The following RHD variants were observed in gnomAD, a reference collection of about 807,000 sequenced individuals.
The protein encoded by RHD is blood group Rh(D) polypeptide.
Under a neutral mutation model 45.5 loss-of-function variants are expected in RHD, and 16 were observed. That is an observed-to-expected ratio of 0.35 (90% CI 0.24 to 0.53). RHD has a LOEUF of 0.53. Ranked by LOEUF, RHD falls within the 20% of genes least tolerant of loss-of-function variation. The probability of loss-of-function intolerance (pLI) is 0.92; values close to 1 mark genes in which losing one functional copy is unlikely to be tolerated. For missense variants in RHD, 306 were observed against 532.0 expected (o/e 0.58, Z 4.18); for synonymous variants, 131 against 217.5 (o/e 0.60, Z 3.50).
Position 25,310,276 on chromosome 1 carries a change from GTAA to G in RHD, c.1073+3549_1073+3551del, listed in dbSNP as rs1384958378. 5.3e-5 allele frequency among the ~76,000 whole-genome samples: 7 copies of G among 133,176 alleles called. 1 individual carries two copies. The highest frequency in any genetic ancestry group is 1.8e-4 in the African/African-American group (7 of 39,260). 87.4% of individuals were successfully genotyped at this position (133,176 alleles called of 152,430 possible). ...TTTTTGGAGGAAGGGCCTTTGGGAAGTAATTAGGATTAGATAAGGTCATGGGGT... is the reference window on the plus strand; with the variant it reads ...TTTTTGGAGGAAGGGCCTTTGGGAAGTTAGGATTAGATAAGGTCATGGGGT... On this transcript the variant is annotated intron_variant, in intron 7 of 9. Transcript: ENST00000328664.
chr1:25,300,264 A>C (rs1219650259), intron 3 of RHD, among the ~76,000 whole-genome samples: 2 of 131,174 alleles, frequency 1.5e-5, no homozygotes, highest in African/African-American at 5.2e-5. Flanking sequence ...TCATGCCTGT[A>C]ATCTCAGCAC....
chr1:25,310,767 T>C (rs1395650808), intron 7 of RHD, among the ~76,000 whole-genome samples: 1 of 131,338 alleles, frequency 7.6e-6, no homozygotes, highest in African/African-American at 2.6e-5. Context: ...AGGTCAGGAG[T>C]TCGAGACCAG....
intron 6 of RHD, chr1:25,304,511 T>C (rs1189860019): frequency 7.8e-6 from 1 of 128,428 alleles, no homozygotes; most frequent in African/African-American, 2.7e-5. Flanking sequence ...GACACGAGAA[T>C]CACTTGAACC....
intron 5 of RHD, among the ~76,000 whole-genome samples, chr1:25,301,960 T>G (rs1202570152): frequency 7.7e-6 from 1 of 130,624 alleles, no homozygotes; most frequent in Non-Finnish European, 1.8e-5. Flanking sequence ...GAACCCCATT[T>G]CTGCTAGTTG....
rs538917984 is a variant in RHD at position 25,291,797 on chromosome 1, G to T, written c.486+1006G>T. ...AATTTGAAGGCAGCTGTGAAGGTAA[G>T]GCCAATCCAAATGGCTCTCCCAGAT... On this transcript the variant is annotated intron_variant, in intron 3 of 9. Transcript: ENST00000328664. Among the ~76,000 whole-genome samples the T allele has an allele frequency of 5.3e-5, 7 of 132,518 alleles. 2 individuals are homozygous for T. The highest frequency in any genetic ancestry group is 5.1e-4 in the Admixed American group (7 of 13,622). The allele number at this position is 132,518 out of a possible 152,430, so 86.9% of individuals were successfully genotyped here.
chr1:25,311,910 G>A lies in RHD; in HGVS notation c.1074-5090G>A, dbSNP rs968773901. On this transcript the variant is annotated intron_variant, in intron 7 of 9. Coordinates refer to ENST00000328664, the MANE Select transcript of RHD (RefSeq NM_016124.6). ...CCACCTACATTTCAAAGGGTGCTGT[G>A]AACAGCCACCCCAGAGAGCCCCTAG... is the stretch of plus-strand genomic sequence containing the variant. 1.1e-4 allele frequency among the ~76,000 whole-genome samples: 15 copies of A among 131,364 alleles called. 2 individuals carry two copies. The East Asian group carries it at 2.9e-3, about 26-fold the overall frequency. 86.2% of individuals were successfully genotyped at this position (131,364 alleles called of 152,430 possible).
In RHD at chr1:25,321,854, C is replaced by T; in HGVS notation, c.1154-35C>T. 1.9e-6 allele frequency: 2 copies of T among 1,039,538 alleles called. 1 individual carries two copies. Among genetic ancestry groups the T allele is most frequent in the Non-Finnish European group, 3.0e-6 (2 of 672,700 alleles). 64.4% of individuals were successfully genotyped at this position (1,039,538 alleles called of 1,614,324 possible). The stretch of plus-strand genomic sequence containing the variant: ...TCTTGAGATTAAAAATCCTGTGCTC[C>T]AAATCTTTTAACATTAAATTATGCA... On this transcript the variant is annotated intron_variant, in intron 8 of 9. Coordinates refer to ENST00000328664, the MANE Select transcript of RHD (RefSeq NM_016124.6).
chr1:25,274,224 A>T (rs1202907111), intron 1 of RHD, among the ~76,000 whole-genome samples: 1 of 132,050 alleles, frequency 7.6e-6, no homozygotes. Flanking sequence ...ATATGAGGAA[A>T]CTAGGCATAT....
rs1417865880 is a variant in RHD at position 25,300,065 on chromosome 1, T to C, written c.487-881T>C. Among the ~76,000 whole-genome samples the C allele has an allele frequency of 2.3e-5, 3 of 131,236 alleles. 1 individual carries two copies. Among genetic ancestry groups the C allele is most frequent in the Non-Finnish European group, 5.4e-5 (3 of 55,724 alleles). The allele number at this position is 131,236 out of a possible 152,430, so 86.1% of individuals were successfully genotyped here. ...TATATCTAGAATTTCCTGAAGACCT[T>C]AGTTTGGTATTATAAGAAGTCTGGT... On this transcript the variant is annotated intron_variant, in intron 3 of 9. Coordinates refer to ENST00000328664, the MANE Select transcript of RHD (RefSeq NM_016124.6).
intron 9 of RHD, among the ~76,000 whole-genome samples, 188 bp downstream of exon 9, chr1:25,322,150 G>C (rs2124155980): frequency 7.6e-6 from 1 of 131,322 alleles, no homozygotes; most frequent in Admixed American, 7.4e-5. Flanking sequence ...GTGGCGGGGA[G>C]GTGGTAAAGG....
chr1:25,304,021 TGA>T (rs1206395692), intron 6 of RHD, among the ~76,000 whole-genome samples: 2 of 83,394 alleles, frequency 2.4e-5, no homozygotes, highest in African/African-American at 8.1e-5. Context: ...GTGGATGATG[TGA>T]GAGGAGCAGC....
intron 1 of RHD, among the ~76,000 whole-genome samples, chr1:25,277,823 C>G (rs59336189): frequency 2.4e-5 from 3 of 123,828 alleles, no homozygotes; most frequent in Admixed American, 2.4e-4. Context: ...TACAGGCATG[C>G]GCCACCACGC....
At position 25,296,646 on chromosome 1, in the gene RHD, T is replaced by G. The variant is rs372409529; in HGVS notation, c.487-4300T>G. On this transcript the variant is annotated intron_variant, in intron 3 of 9. Coordinates refer to ENST00000328664, the MANE Select transcript of RHD (RefSeq NM_016124.6). ...AGGGCATGACCTCGTGGGAGGTGAT[T>G]GGATCACAGGGGTGGTTTCCCCCAT... Among the ~76,000 whole-genome samples, 583 of 130,898 alleles carry G rather than the reference T, an allele frequency of 4.5e-3. 94 individuals are homozygous for G. Among genetic ancestry groups the G allele is most frequent in the African/African-American group, 0.014 (542 of 37,552 alleles). The allele number at this position is 130,898 out of a possible 152,430, so 85.9% of individuals were successfully genotyped here.
At chr1:25,276,588 C>G (rs1488421530) in intron 1 of RHD, among the ~76,000 whole-genome samples, 1 of 120,754 alleles carries the variant, frequency 8.3e-6, no homozygotes, top group East Asian at 2.0e-4. Flanking sequence ...GTGGCACATG[C>G]CTATAGTCCC....
Position 25,287,923 on chromosome 1 carries a change from A to G in RHD, c.336-2718A>G, listed in dbSNP as rs1348467225. Among the ~76,000 whole-genome samples the G allele has an allele frequency of 4.5e-5, 6 of 131,924 alleles. 2 individuals are homozygous for G. The highest frequency in any genetic ancestry group is 1.6e-4 in the African/African-American group (6 of 38,672). 86.5% of individuals were successfully genotyped at this position (131,924 alleles called of 152,430 possible). A position where few individuals can be genotyped will look rare whatever the true frequency, so the allele number is the denominator to read the frequency against. ...TTTTTAGTAGACAAGGGGTTTCACC[A>G]GGTGGGTCAGGTTGGTCTGGAACTC... On this transcript the variant is annotated intron_variant, in intron 2 of 9. Transcript: ENST00000328664.
chr1:25,328,759 C>A, intron 9 of RHD, 139 bp from the exon 10 acceptor site: 1 of 433,222 alleles, frequency 2.3e-6, no homozygotes. Flanking sequence ...ACCTATATAT[C>A]CAAGATCTCT....
chr1:25,288,340 C>A lies in RHD; in HGVS notation c.336-2301C>A, dbSNP rs1227159502. Among the ~76,000 whole-genome samples the A allele has an allele frequency of 7.9e-5, 9 of 113,494 alleles. 2 individuals are homozygous for A. Among genetic ancestry groups the A allele is most frequent in the Admixed American group, 2.6e-4 (3 of 11,602 alleles). 74.5% of individuals were successfully genotyped at this position (113,494 alleles called of 152,430 possible). A position where few individuals can be genotyped will look rare whatever the true frequency, so the allele number is the denominator to read the frequency against. On this transcript the variant is annotated intron_variant, in intron 2 of 9. Coordinates refer to ENST00000328664, the MANE Select transcript of RHD (RefSeq NM_016124.6). ...CACAGGCACACACCACCACACCTAG[C>A]TTTTTTTTTTTTTGCTTTTTGTAGA... is the stretch of plus-strand genomic sequence containing the variant.
At chr1:25,296,452 C>G (rs2124660199) in intron 3 of RHD, among the ~76,000 whole-genome samples, 1 of 118,580 alleles carries the variant, frequency 8.4e-6, no homozygotes, top group Admixed American at 8.2e-5. Context: ...ACCATATTGG[C>G]CAGGCTGGTC....
In RHD at chr1:25,282,392, C is replaced by G. The variant is rs1641564431; in HGVS notation, c.149-2181C>G. Reference sequence around the variant, plus strand: ...GGATTACAGGTGCCCACCACCACATCCAGCTAATTTTTTTGTAATTTTAGT... The same window carrying G: ...GGATTACAGGTGCCCACCACCACATGCAGCTAATTTTTTTGTAATTTTAGT... On this transcript the variant is annotated intron_variant, in intron 1 of 9. Coordinates refer to ENST00000328664, the MANE Select transcript of RHD (RefSeq NM_016124.6). Among the ~76,000 whole-genome samples the G allele has an allele frequency of 1.5e-5, 2 of 130,982 alleles. 1 individual carries two copies. Among genetic ancestry groups the G allele is most frequent in the South Asian group, 4.7e-4 (2 of 4,242 alleles). 85.9% of individuals were successfully genotyped at this position (130,982 alleles called of 152,430 possible). A position where few individuals can be genotyped will look rare whatever the true frequency, so the allele number is the denominator to read the frequency against.
Sources: allele counts gnomAD v4.1 joint callset (sites outside exome capture counted in the v4.1 genomes callset), GRCh38; gene constraint gnomAD v4.1.1; transcripts MANE v1.5; gene names NCBI Gene and HGNC (gene_info 2026-07-23, HGNC 2026-07-21).